CAND2: variants seen among roughly 807,000 people sequenced by gnomAD.
CAND2 encodes the protein cullin-associated NEDD8-dissociated protein 2.
CAND2 carries 62 observed loss-of-function variants against 98.9 expected under a neutral mutation model. That is an observed-to-expected ratio of 0.63 (90% CI 0.51 to 0.77). The LOEUF is 0.77. Among genes scored for constraint, CAND2 ranks in the 30% least tolerant of loss-of-function variants. The pLI, the probability that CAND2 is intolerant of heterozygous loss-of-function variation, is 0.00. For missense variants in CAND2, 1,501 were observed against 1,655.2 expected (o/e 0.91, Z 1.62); for synonymous variants, 770 against 731.9 (o/e 1.05, Z -0.84).
At chr3:12,799,879 C>T (rs1359447047) in intron 1 of CAND2, among the ~76,000 whole-genome samples, 1 of 152,120 alleles carries the variant, frequency 6.6e-6, no homozygotes, top group African/African-American at 2.4e-5. Flanking sequence ...CATCCTTGAG[C>T]TGGGACATTT....
In CAND2 at chr3:12,822,319, G is replaced by C. The variant is rs569289049; in HGVS notation, c.3040+2138G>C. On this transcript the variant is annotated intron_variant, in intron 11 of 14. Coordinates refer to ENST00000456430, the MANE Select transcript of CAND2 (RefSeq NM_001162499.2). The stretch of plus-strand genomic sequence containing the variant: ...CAATCTTTTTTTTTTTTTTTTGAGA[G>C]AGTCTCACTCTGTCACCCAGGCTGG... Among the ~76,000 whole-genome samples the C allele has an allele frequency of 3.7e-5, 5 of 136,888 alleles. No homozygotes were observed. The South Asian group carries it at 1.1e-3, about 31-fold the overall frequency. 89.8% of individuals were successfully genotyped at this position (136,888 alleles called of 152,430 possible).
At chr3:12,813,906 G>T (rs559054295) in intron 7 of CAND2, among the ~76,000 whole-genome samples, 50 of 152,230 alleles carry the variant, frequency 3.3e-4, no homozygotes, top group Non-Finnish European at 6.0e-4. Context: ...CTGTGGTCCT[G>T]TCTGTCATTC....
At position 12,806,229 on chromosome 3, in the gene CAND2, G is replaced by A. The variant is rs187212046; in HGVS notation, c.213-1077G>A. 5.9e-5 allele frequency among the ~76,000 whole-genome samples: 9 copies of A among 152,196 alleles called. No homozygotes were observed. In the East Asian group the frequency reaches 1.7e-3, roughly 29 times the overall value. ...TCATCTGTGTAGGAGGATCGCTTGA[G>A]CCCAGGAGTTTGAGGCTGCAGTGGG... On this transcript the variant is annotated intron_variant, in intron 2 of 14. Transcript: ENST00000456430.
At chr3:12,813,862 G>A (rs1400859085) in intron 7 of CAND2, among the ~76,000 whole-genome samples, 1 of 152,236 alleles carries the variant, frequency 6.6e-6, no homozygotes, top group Non-Finnish European at 1.5e-5. Flanking sequence ...ATGTCTCAAT[G>A]GGGGTGGACT....
At chr3:12,820,283 C>T in intron 11 of CAND2, 102 bp downstream of exon 11, 1 of 834,890 alleles carries the variant, frequency 1.2e-6, no homozygotes. Flanking sequence ...CAATGGGAGA[C>T]CCGGGAGGTG....
intron 5 of CAND2, 77 bp downstream of exon 5, chr3:12,810,401 C>A (rs113830445): frequency 1.7e-6 from 2 of 1,162,434 alleles, no homozygotes; most frequent in South Asian, 3.7e-5. Flanking sequence ...GGTAAAGGGG[C>A]GGAGCTTGGG....
chr3:12,833,349 G>A (rs760614934), intron 14 of CAND2, among the ~76,000 whole-genome samples: 4 of 152,192 alleles, frequency 2.6e-5, no homozygotes, highest in Non-Finnish European at 5.9e-5. Flanking sequence ...GACCATCGCA[G>A]TGATCCATTC....
At chr3:12,832,134 A>C (rs1425083258) in intron 14 of CAND2, 1 of 152,278 alleles carries the variant, frequency 6.6e-6, no homozygotes, top group Non-Finnish European at 1.5e-5. Context: ...TAAGGATGGG[A>C]ATCATTACCA....
At chr3:12,808,064 G>A (rs2061821115) in intron 3 of CAND2, 146 bp from the exon 4 acceptor site, 33 of 1,072,288 alleles carry the variant, frequency 3.1e-5, no homozygotes, top group Middle Eastern at 3.1e-4. Flanking sequence ...GCCAGACTCT[G>A]GGTCAAACCT....
chr3:12,802,186 G>A (rs1161322382), intron 1 of CAND2, among the ~76,000 whole-genome samples: 1 of 152,210 alleles, frequency 6.6e-6, no homozygotes. Context: ...AATTAGCCGG[G>A]CGTGGTGGCC....
intron 11 of CAND2, among the ~76,000 whole-genome samples, chr3:12,825,008 TTAAG>T (rs1191812366): frequency 6.6e-6 from 1 of 152,198 alleles, no homozygotes; most frequent in African/African-American, 2.4e-5. Flanking sequence ...TCTCTGATCT[TTAAG>T]AGCCTCACCT....
chr3:12,809,349 C>G (rs2061832105), intron 4 of CAND2, among the ~76,000 whole-genome samples: 1 of 152,098 alleles, frequency 6.6e-6, no homozygotes, highest in Non-Finnish European at 1.5e-5. Context: ...TCTTGTTCAC[C>G]CTGGCTTCCA....
At chr3:12,802,573 T>C (rs3889514) in intron 1 of CAND2, among the ~76,000 whole-genome samples, 73,681 of 151,852 alleles carry the variant, frequency 0.49, 19,134 homozygotes, top group Non-Finnish European at 0.6. Flanking sequence ...GGGCCACCGA[T>C]CCTGAAACAT....
rs73139805 is a variant in CAND2, at chr3:12,806,513, C to A, written c.213-793C>A. Among the ~76,000 whole-genome samples the A allele has an allele frequency of 2.8e-3, 429 of 152,264 alleles. 5 individuals carry two copies. The highest frequency in any genetic ancestry group is 9.8e-3 in the African/African-American group (408 of 41,550). The stretch of plus-strand genomic sequence containing the variant: ...ACCACTCAGGTAGGGCAGAGGTTGT[C>A]AGCCTCGACTGCATGTTAGAATCAC... On this transcript the variant is annotated intron_variant, in intron 2 of 14. Transcript: ENST00000456430.
intron 13 of CAND2, among the ~76,000 whole-genome samples, chr3:12,829,669 CATTA>C (rs1222497565): frequency 2.0e-5 from 3 of 152,280 alleles, no homozygotes; most frequent in Non-Finnish European, 2.9e-5. Context: ...GACCCTCATT[CATTA>C]GTCAGCCAGT....
intron 10 of CAND2, 37 bp downstream of exon 10, chr3:12,817,913 G>C: frequency 6.8e-7 from 1 of 1,474,416 alleles, no homozygotes; most frequent in East Asian, 2.4e-5. Context: ...GCCCACCTCG[G>C]AGGTGGGCAG....
At chr3:12,833,642 GATTT>G in intron 14 of CAND2, 109 bp from the exon 15 acceptor site, 1 of 839,776 alleles carries the variant, frequency 1.2e-6, no homozygotes, top group Non-Finnish European at 2.0e-6. Flanking sequence ...TCGCAGCAGG[GATTT>G]ATGTTGGGGA....
In CAND2 at chr3:12,817,002, T is replaced by TGCCGTGCAG; in HGVS notation, c.2078_2086dup (p.Gln693_Val695dup). ...GCCAGGGCCTCAGCCTCCCACCGTC[T>TGCCGTGCAG]GCCGTGCAGGCCGTGCTGGCTGAGC... On this transcript the variant is annotated inframe_insertion, in exon 10 of 15. Coordinates refer to ENST00000456430, the MANE Select transcript of CAND2 (RefSeq NM_001162499.2). The TGCCGTGCAG allele has an allele frequency of 3.7e-6, 6 of 1,613,112 alleles. No individual in the cohort carries two copies. The highest frequency in any genetic ancestry group is 4.2e-6 in the Non-Finnish European group (5 of 1,179,894).
In CAND2 at chr3:12,817,803, C is replaced by A. The variant is rs199687250; in HGVS notation, c.2871C>A (p.Ala957=). ...GAEEGTRGVV[A]ECIGKLVLVN... ...AGGAGGGCACCCGGGGGGTGGTGGC[C>A]GAGTGCATTGGGAAGCTGGTCCTTG... The change falls in exon 10 of 15, where the codon GCC becomes GCA. Residue 957 remains alanine (A), a synonymous_variant. Transcript: ENST00000456430. 2.5e-4 allele frequency: 385 copies of A among 1,526,736 alleles called. 1 individual carries two copies. Among genetic ancestry groups the A allele is most frequent in the Middle Eastern group, 3.5e-4 (2 of 5,638 alleles). The allele number at this position is 1,526,736 out of a possible 1,614,324, so 94.6% of individuals were successfully genotyped here.
Sources: allele counts gnomAD v4.1 joint callset (sites outside exome capture counted in the v4.1 genomes callset), GRCh38; gene constraint gnomAD v4.1.1; transcripts MANE v1.5; gene names NCBI Gene and HGNC (gene_info 2026-07-23, HGNC 2026-07-21).